The following NPAS3 variants were observed in gnomAD, a reference collection of about 807,000 sequenced individuals.
NPAS3 encodes the protein neuronal PAS domain protein 3, also known as neuronal PAS domain-containing protein 3.
Under a neutral mutation model 73.1 loss-of-function variants are expected in NPAS3, and 14 were observed. That is an observed-to-expected ratio of 0.19 (90% CI 0.13 to 0.30). The LOEUF is 0.30. Among genes scored for constraint, NPAS3 ranks in the 10% least tolerant of loss-of-function variants. NPAS3 has a pLI of 1.00. For missense variants in NPAS3, 1,096 were observed against 1,250.0 expected (o/e 0.88, Z 1.86); for synonymous variants, 620 against 541.5 (o/e 1.14, Z -2.01).
In NPAS3 at chr14:33,706,127, A is replaced by T. The variant is rs148972409; in HGVS notation, c.734-29087A>T. Among the ~76,000 whole-genome samples, 841 of 152,332 alleles carry T rather than the reference A, an allele frequency of 5.5e-3. 4 individuals carry two copies. Among genetic ancestry groups the T allele is most frequent in the Non-Finnish European group, 8.9e-3 (606 of 68,034 alleles). On this transcript the variant is annotated intron_variant, in intron 6 of 11. Coordinates refer to ENST00000356141, the Ensembl canonical transcript of NPAS3. Reference sequence around the variant, plus strand: ...CCATGGTTGGGAGAGCCATCAGTACATAAAAGCTTCCCTCTCCTTTTATTC... The same window carrying T: ...CCATGGTTGGGAGAGCCATCAGTACTTAAAAGCTTCCCTCTCCTTTTATTC...
intron 4 of NPAS3, among the ~76,000 whole-genome samples, chr14:33,426,418 A>T (rs1225681415): frequency 6.6e-6 from 1 of 152,036 alleles, no homozygotes; most frequent in Non-Finnish European, 1.5e-5. Flanking sequence ...GAAACCTCTG[A>T]ATGTAGATGA....
intron 2 of NPAS3, among the ~76,000 whole-genome samples, chr14:33,206,464 A>G (rs2046825735): frequency 6.6e-6 from 1 of 151,988 alleles, no homozygotes; most frequent in South Asian, 2.1e-4. Flanking sequence ...TGGGTGTAGA[A>G]AGTTGGAGGG....
chr14:33,090,653 A>G (rs1321182077), intron 2 of NPAS3, among the ~76,000 whole-genome samples: 8 of 152,226 alleles, frequency 5.3e-5, no homozygotes, highest in Non-Finnish European at 8.8e-5. Flanking sequence ...CAGACCTAAT[A>G]GACATCTACA....
At chr14:32,999,311 A>C (rs555859945) in intron 1 of NPAS3, among the ~76,000 whole-genome samples, 1 of 152,224 alleles carries the variant, frequency 6.6e-6, no homozygotes, top group South Asian at 2.1e-4. Flanking sequence ...GGAGATTGAG[A>C]CCATCCTGGC....
intron 2 of NPAS3, among the ~76,000 whole-genome samples, chr14:33,135,633 T>A (rs577372259): frequency 6.6e-6 from 1 of 152,254 alleles, no homozygotes; most frequent in Non-Finnish European, 1.5e-5. Flanking sequence ...TGGATTTGGG[T>A]CATTGATTAC....
intron 6 of NPAS3, among the ~76,000 whole-genome samples, chr14:33,722,775 A>G (rs967061905): frequency 2.0e-5 from 3 of 152,190 alleles, no homozygotes. Context: ...CAAAGTATAA[A>G]TAATGTTACT....
chr14:33,476,364 C>A (rs1019674034), intron 4 of NPAS3, among the ~76,000 whole-genome samples: 1 of 152,174 alleles, frequency 6.6e-6, no homozygotes, highest in Non-Finnish European at 1.5e-5. Context: ...AATATCCTTT[C>A]CTCAATGACT....
chr14:33,637,081 C>T (rs1482546383), intron 5 of NPAS3, among the ~76,000 whole-genome samples: 1 of 152,102 alleles, frequency 6.6e-6, no homozygotes, highest in Non-Finnish European at 1.5e-5. Context: ...TTGAGAAAAG[C>T]ATTTCTCTAG....
rs113219203 is a variant in NPAS3 at position 33,154,256 on chromosome 14, C to T, written c.141-60926C>T. Reference sequence around the variant, plus strand: ...GCTATGCTGATGGATGTGGCACTACCGCTGGTTTAAGATTAGTTGGCCCTT... The same window carrying T: ...GCTATGCTGATGGATGTGGCACTACTGCTGGTTTAAGATTAGTTGGCCCTT... On this transcript the variant is annotated intron_variant, in intron 2 of 11. Coordinates refer to ENST00000356141, the Ensembl canonical transcript of NPAS3. Among the ~76,000 whole-genome samples the T allele has an allele frequency of 8.6e-3, 1,303 of 152,234 alleles. 11 individuals are homozygous for T. Among genetic ancestry groups the T allele is most frequent in the African/African-American group, 0.029 (1,207 of 41,506 alleles).
chr14:33,797,002 C>T (rs537473687), intron 10 of NPAS3, among the ~76,000 whole-genome samples: 10 of 152,122 alleles, frequency 6.6e-5, no homozygotes, highest in South Asian at 2.1e-4. Context: ...CCACCAATAG[C>T]GTGGGAGCCA....
At chr14:33,061,620 G>A (rs2041102471) in intron 2 of NPAS3, among the ~76,000 whole-genome samples, 1 of 152,104 alleles carries the variant, frequency 6.6e-6, no homozygotes, top group African/African-American at 2.4e-5. Context: ...GTATTATTTA[G>A]GGGTTATTCT....
chr14:33,405,234 T>C (rs1319630613), intron 4 of NPAS3, among the ~76,000 whole-genome samples: 1 of 152,054 alleles, frequency 6.6e-6, no homozygotes, highest in Non-Finnish European at 1.5e-5. Flanking sequence ...TTCTGAACTA[T>C]TGGTTTTTAG....
At chr14:33,789,832 G>A (rs995346066) in intron 9 of NPAS3, among the ~76,000 whole-genome samples, 2 of 151,582 alleles carry the variant, frequency 1.3e-5, no homozygotes, top group Non-Finnish European at 1.5e-5. Context: ...CTCGTGATCC[G>A]CCCGCCTCGG....
At chr14:32,970,748 C>G (rs148199923) in intron 1 of NPAS3, among the ~76,000 whole-genome samples, 29 of 152,300 alleles carry the variant, frequency 1.9e-4, no homozygotes, top group African/African-American at 6.5e-4. Flanking sequence ...CTTCTTGATG[C>G]CTCATCCCAA....
At chr14:33,513,417 G>A (rs890364362) in intron 4 of NPAS3, among the ~76,000 whole-genome samples, 1 of 152,004 alleles carries the variant, frequency 6.6e-6, no homozygotes, top group African/African-American at 2.4e-5. Context: ...TATGTGTCAG[G>A]CACTTTGCTA....
At chr14:33,536,203 A>T (rs1013461) in intron 4 of NPAS3, among the ~76,000 whole-genome samples, 27,260 of 152,200 alleles carry the variant, frequency 0.18, 3,263 homozygotes, top group African/African-American at 0.34. Context: ...ATTCATAAAT[A>T]TGTAAAGTGG....
chr14:33,595,171 G>A (rs991202330), intron 5 of NPAS3, among the ~76,000 whole-genome samples: 1 of 152,114 alleles, frequency 6.6e-6, no homozygotes, highest in Non-Finnish European at 1.5e-5. Context: ...AGTGATCATG[G>A]GGCAGTAGTT....
chr14:33,040,299 C>T (rs1288495884), intron 1 of NPAS3, among the ~76,000 whole-genome samples: 2 of 152,036 alleles, frequency 1.3e-5, no homozygotes, highest in Admixed American at 6.6e-5. Context: ...ACTAAGAAAA[C>T]AACTGTATAC....
At chr14:33,359,243 G>A (rs933745858) in intron 3 of NPAS3, among the ~76,000 whole-genome samples, 5 of 152,178 alleles carry the variant, frequency 3.3e-5, no homozygotes, top group African/African-American at 4.8e-5. Context: ...CAGAACCAAC[G>A]TTAGTTCCCT....
Sources: gnomAD v4.1 joint callset for allele counts (sites outside exome capture counted in the v4.1 genomes callset) on GRCh38, gnomAD v4.1.1 for gene constraint, MANE v1.5 for transcripts, NCBI Gene and HGNC (gene_info 2026-07-23, HGNC 2026-07-21) for gene names.